VPS13D: variants seen among roughly 807,000 people sequenced by gnomAD.
VPS13D encodes the protein vacuolar protein sorting 13 homolog D, also known as intermembrane lipid transfer protein VPS13D.
A neutral mutation model predicts 461.9 loss-of-function variants in VPS13D; 187 were observed. The ratio of observed to expected loss-of-function variants is 0.40; its 90% CI spans 0.36 to 0.46. The LOEUF (loss-of-function observed/expected upper bound fraction) is 0.46, where lower values mean the gene tolerates loss of function less well. VPS13D is among the 20% of genes least tolerant of loss of function. The pLI, the probability that VPS13D is intolerant of heterozygous loss-of-function variation, is 0.60. For missense variants in VPS13D, 4,711 were observed against 5,364.9 expected, an observed-to-expected ratio of 0.88 and a Z score of 3.81; for synonymous variants, 1,951 against 1,986.3, an observed-to-expected ratio of 0.98 and a Z score of 0.47.
At chr1:12,363,384 A>G in intron 52 of VPS13D, 137 bp downstream of exon 52, 1 of 879,102 alleles carries the variant, frequency 1.1e-6, no homozygotes, top group Non-Finnish European at 1.7e-6. Flanking sequence ...AAGTCCAGGG[A>G]AGTGTGAGGG....
intron 67 of VPS13D, among the ~76,000 whole-genome samples, chr1:12,486,511 G>C (rs114583604): frequency 0.03 from 4,594 of 152,280 alleles, 149 homozygotes; most frequent in Admixed American, 0.11. Flanking sequence ...AGCGGCCAGG[G>C]TTCCAAGCCC....
chr1:12,245,636 A>T (rs77645630), intron 5 of VPS13D, among the ~76,000 whole-genome samples: 3,008 of 152,232 alleles, frequency 0.02, 100 homozygotes, highest in African/African-American at 0.063. Context: ...GGGCAAGAGG[A>T]TGACTTGAGC....
At chr1:12,403,337 A>G (rs1644604531) in intron 62 of VPS13D, among the ~76,000 whole-genome samples, 1 of 152,194 alleles carries the variant, frequency 6.6e-6, no homozygotes, top group African/African-American at 2.4e-5. Context: ...GCTTGTAGTG[A>G]TATTACGTCT....
chr1:12,353,221 T>C (rs1643841575), intron 46 of VPS13D, among the ~76,000 whole-genome samples: 1 of 151,904 alleles, frequency 6.6e-6, no homozygotes, highest in Non-Finnish European at 1.5e-5. Context: ...CTGAATCTTG[T>C]TGAGACTTTA....
At chr1:12,330,924 A>G (rs559977841) in intron 37 of VPS13D, among the ~76,000 whole-genome samples, 1 of 152,134 alleles carries the variant, frequency 6.6e-6, no homozygotes, top group African/African-American at 2.4e-5. Flanking sequence ...GTTTTATTAG[A>G]ATCTACTGAG....
At chr1:12,421,434 C>T (rs147907810) in intron 65 of VPS13D, among the ~76,000 whole-genome samples, 57 of 152,298 alleles carry the variant, frequency 3.7e-4, no homozygotes, top group African/African-American at 1.1e-3. Context: ...ATACTTTCTT[C>T]TAGTTGTGTG....
intron 65 of VPS13D, among the ~76,000 whole-genome samples, chr1:12,438,888 T>C (rs1340168617): frequency 1.3e-5 from 2 of 152,216 alleles, no homozygotes; most frequent in African/African-American, 4.8e-5. Context: ...TGCCAGTTGC[T>C]CAAATACTTT....
At position 12,257,805 on chromosome 1, in the gene VPS13D, T is replaced by G. The variant is rs1640967487; in HGVS notation, c.942-130T>G. The G allele has an allele frequency of 3.2e-5, 36 of 1,137,098 alleles. No homozygotes were observed. In the South Asian group the frequency reaches 5.0e-4, roughly 16 times the overall value. The allele number at this position is 1,137,098 out of a possible 1,614,324, so 70.4% of individuals were successfully genotyped here. Reference sequence around the variant, plus strand: ...GTTTAATATTAAGACGAACTTAATATATAAACTGGTGGCTGACAAGAGAAA... The same window carrying G: ...GTTTAATATTAAGACGAACTTAATAGATAAACTGGTGGCTGACAAGAGAAA... On this transcript the variant is annotated intron_variant, in intron 9 of 69. Transcript: ENST00000620676.
chr1:12,348,674 T>G, intron 44 of VPS13D, 149 bp from the exon 45 acceptor site: 1 of 1,009,840 alleles, frequency 9.9e-7, no homozygotes, highest in Non-Finnish European at 1.4e-6. Context: ...CCCTTTAAAG[T>G]TGAATGGCTT....
intron 57 of VPS13D, among the ~76,000 whole-genome samples, chr1:12,381,944 TTC>T (rs1448401293): frequency 2.2e-5 from 3 of 135,508 alleles, no homozygotes; most frequent in African/African-American, 8.8e-5. Flanking sequence ...CTTTCTTTCT[TTC>T]TTTCTTTCTT....
rs1642830319 is a variant in VPS13D at position 12,314,135 on chromosome 1, A to G, written c.6956A>G (p.Lys2319Arg). The change falls in exon 30 of 70, where the codon AAA becomes AGA. Residue 2319 changes from lysine (K) to arginine (R), a missense_variant. Transcript: ENST00000620676. ...SLARFDFKKC[K>R]LLYESFSNQT... ...TTTAGATTTGACTTCAAGAAATGCA[A>G]ACTGCTCTATGAAAGTTTTTCCAAC... is the stretch of plus-strand genomic sequence containing the variant. The G allele has an allele frequency of 1.2e-6, 2 of 1,614,122 alleles. No homozygotes were observed. The highest frequency in any genetic ancestry group is 1.7e-6 in the Non-Finnish European group (2 of 1,180,006).
At chr1:12,395,998 T>G (rs1274183052) in intron 60 of VPS13D, among the ~76,000 whole-genome samples, 12 of 114,812 alleles carry the variant, frequency 1.0e-4, no homozygotes, top group African/African-American at 3.4e-4. Context: ...TAATAGGAGA[T>G]ATATATATAT....
At chr1:12,486,725 T>A (rs1029765207) in intron 67 of VPS13D, among the ~76,000 whole-genome samples, 3 of 152,182 alleles carry the variant, frequency 2.0e-5, no homozygotes, top group African/African-American at 7.2e-5. Flanking sequence ...TTTCTCTGGC[T>A]CAGATTCAGA....
chr1:12,353,987 A>C lies in VPS13D; in HGVS notation c.9445A>C (p.Ile3149Leu). Residue 3149 changes from isoleucine (I) to leucine (L), a missense_variant, in exon 47 of 70, where the codon ATA becomes CTA. Around this residue, in one of 3 missense-constraint regions of VPS13D, gnomAD observed 4,411 missense variants for 4,937.8 expected, o/e 0.89. Coordinates refer to ENST00000620676, the MANE Select transcript of VPS13D (RefSeq NM_015378.4). Reference sequence around the variant, plus strand: ...TTATCTTCATAGGTTTTGTGTGGCTATAAAGAAAGAGAATTATCCAGATTA... The same window carrying C: ...TTATCTTCATAGGTTTTGTGTGGCTCTAAAGAAAGAGAATTATCCAGATTA... ...KSRFFRFCVA[I>L]KKENYPDYMP... is the part of the protein sequence containing the mutation. 6.2e-7 allele frequency: 1 copy of C among 1,614,014 alleles called. No individual in the cohort carries two copies. The highest frequency in any genetic ancestry group is 8.5e-7 in the Non-Finnish European group (1 of 1,179,920).
intron 12 of VPS13D, 132 bp downstream of exon 12, chr1:12,261,281 A>C: frequency 9.1e-7 from 1 of 1,093,940 alleles, no homozygotes; most frequent in Non-Finnish European, 1.3e-6. Context: ...GGCTGAGAGA[A>C]GAAGTATTTT....
In VPS13D at chr1:12,400,263, C is replaced by T. The variant is rs766283495; in HGVS notation, c.11717C>T (p.Thr3906Ile). 1.2e-6 allele frequency: 2 copies of T among 1,614,184 alleles called. No homozygotes were observed. Among genetic ancestry groups the T allele is most frequent in the East Asian group, 2.2e-5 (1 of 44,876 alleles). ...PLSNENEVIE[T>I]GPAVQVNAVK... ...AGCAATGAGAATGAGGTCATCGAGA[C>T]CGGCCCAGCTGTGCAAGTCAACGCA... The change falls in exon 61 of 70, where the codon ACC (threonine) becomes ATC (isoleucine). Residue 3906 changes from threonine to isoleucine, a missense_variant. By Grantham distance (89) the Thr-to-Ile change is moderately conservative. This residue lies in a region of VPS13D where 4,411 missense variants were observed against 4,937.8 expected (regional missense o/e 0.89). Coordinates refer to ENST00000620676, the MANE Select transcript of VPS13D (RefSeq NM_015378.4).
At chr1:12,434,560 C>T (rs1185363972) in intron 65 of VPS13D, among the ~76,000 whole-genome samples, 1 of 152,136 alleles carries the variant, frequency 6.6e-6, no homozygotes, top group Non-Finnish European at 1.5e-5. Flanking sequence ...TTTGATTTTC[C>T]TGTACTTTCG....
intron 66 of VPS13D, among the ~76,000 whole-genome samples, chr1:12,458,611 C>A (rs1645362087): frequency 6.6e-6 from 1 of 151,950 alleles, no homozygotes; most frequent in South Asian, 2.1e-4. Flanking sequence ...CTCACTGGAG[C>A]AAATTTACCC....
chr1:12,398,666 C>G (rs1178495548), intron 60 of VPS13D, among the ~76,000 whole-genome samples: 5 of 152,120 alleles, frequency 3.3e-5, no homozygotes, highest in African/African-American at 1.2e-4. Context: ...GGCAAGTGTC[C>G]TCTGTGATGG....
Sources: gnomAD v4.1 joint callset for allele counts (sites outside exome capture counted in the v4.1 genomes callset) on GRCh38, gnomAD v4.1.1 for gene constraint, gnomAD v4.1.1 regional missense constraint, MANE v1.5 for transcripts, NCBI Gene and HGNC (gene_info 2026-07-23, HGNC 2026-07-21) for gene names.